CHRM3: variants seen among roughly 807,000 people sequenced by gnomAD.
CHRM3 encodes the protein muscarinic acetylcholine receptor M3.
CHRM3 carries 11 observed loss-of-function variants against 41.8 expected under a neutral mutation model. The observed-to-expected ratio is 0.26, with a 90% CI of 0.17 to 0.44. CHRM3 has a LOEUF of 0.44. Among genes scored for constraint, CHRM3 ranks in the 20% least tolerant of loss-of-function variants. CHRM3 has a pLI of 1.00. For missense variants in CHRM3, 571 were observed against 745.4 expected (o/e 0.77, Z 2.72); for synonymous variants, 297 against 301.4 (o/e 0.99, Z 0.15).
At chr1:239,443,721 C>T (rs541524388) in intron 1 of CHRM3, among the ~76,000 whole-genome samples, 53 of 152,226 alleles carry the variant, frequency 3.5e-4, no homozygotes, top group African/African-American at 1.1e-3. Flanking sequence ...ATAATATAAA[C>T]GCTTAGGAGA....
chr1:239,504,607 T>G (rs2148155299), intron 2 of CHRM3, among the ~76,000 whole-genome samples: 1 of 152,300 alleles, frequency 6.6e-6, no homozygotes, highest in African/African-American at 2.4e-5. Flanking sequence ...AAAGAGATAC[T>G]TGCACACATG....
intron 6 of CHRM3, among the ~76,000 whole-genome samples, chr1:239,872,707 A>G (rs999113678): frequency 2.0e-5 from 3 of 152,198 alleles, no homozygotes; most frequent in East Asian, 3.8e-4. Context: ...AAAAATCCGA[A>G]TGTAACATTC....
At chr1:239,643,318 A>G (rs1026465084) in intron 4 of CHRM3, among the ~76,000 whole-genome samples, 1 of 152,188 alleles carries the variant, frequency 6.6e-6, no homozygotes, top group Non-Finnish European at 1.5e-5. Flanking sequence ...GGGACATTTA[A>G]GTCTGCAGTG....
intron 5 of CHRM3, among the ~76,000 whole-genome samples, chr1:239,821,042 T>C (rs938497758): frequency 6.6e-6 from 1 of 152,152 alleles, no homozygotes; most frequent in Non-Finnish European, 1.5e-5. Flanking sequence ...TCTTGCATGA[T>C]TTATGTGGGT....
chr1:239,441,534 T>G (rs1424105004), intron 1 of CHRM3, among the ~76,000 whole-genome samples: 5 of 152,198 alleles, frequency 3.3e-5, no homozygotes, highest in Non-Finnish European at 5.9e-5. Flanking sequence ...GATCTATAGT[T>G]CACATATCTG....
chr1:239,790,310 GT>G (rs1558124849), intron 5 of CHRM3, among the ~76,000 whole-genome samples: 1 of 152,182 alleles, frequency 6.6e-6, no homozygotes, highest in Non-Finnish European at 1.5e-5. Flanking sequence ...GGGTTTGGCT[GT>G]GTCGCCACCA....
At chr1:239,833,451 G>GGA (rs755175405) in intron 6 of CHRM3, among the ~76,000 whole-genome samples, 5 of 152,114 alleles carry the variant, frequency 3.3e-5, no homozygotes, top group Non-Finnish European at 7.3e-5. Flanking sequence ...GCCTTTCAGA[G>GGA]GAGCAACTTC....
intron 1 of CHRM3, among the ~76,000 whole-genome samples, chr1:239,399,395 G>A (rs1057189973): frequency 1.4e-5 from 2 of 147,482 alleles, no homozygotes; most frequent in Admixed American, 6.8e-5. Context: ...CAGTTATCAC[G>A]TGTTAGTTAT....
intron 1 of CHRM3, among the ~76,000 whole-genome samples, chr1:239,454,015 C>A (rs1454176209): frequency 6.6e-6 from 1 of 151,994 alleles, no homozygotes; most frequent in Admixed American, 6.6e-5. Flanking sequence ...CCTACTGTAC[C>A]CTCAACACTC....
chr1:239,677,167 C>T (rs1658093080), intron 4 of CHRM3, among the ~76,000 whole-genome samples: 1 of 152,072 alleles, frequency 6.6e-6, no homozygotes, highest in Non-Finnish European at 1.5e-5. Flanking sequence ...ATTTAGCTTT[C>T]CACATCCTGA....
intron 4 of CHRM3, among the ~76,000 whole-genome samples, chr1:239,671,540 C>T (rs1257426792): frequency 6.6e-6 from 1 of 152,278 alleles, no homozygotes; most frequent in East Asian, 1.9e-4. Flanking sequence ...CTCCAGTGCA[C>T]TCCAGCCTGG....
intron 1 of CHRM3, among the ~76,000 whole-genome samples, chr1:239,395,124 T>C (rs1558188046): frequency 6.6e-6 from 1 of 152,078 alleles, no homozygotes; most frequent in Non-Finnish European, 1.5e-5. Context: ...CCTACCTAGC[T>C]CTCTTCTCTC....
chr1:239,477,656 CTT>C (rs1355123289), intron 1 of CHRM3, among the ~76,000 whole-genome samples: 1 of 152,160 alleles, frequency 6.6e-6, no homozygotes, highest in East Asian at 1.9e-4. Flanking sequence ...CACCCATTGA[CTT>C]TTTCCAGTGG....
chr1:239,446,220 C>A (rs1664142919), intron 1 of CHRM3, among the ~76,000 whole-genome samples: 3 of 152,180 alleles, frequency 2.0e-5, no homozygotes, highest in South Asian at 2.1e-4. Flanking sequence ...CAGGCGTGAG[C>A]CACCATGCCT....
Position 239,909,281 on chromosome 1 carries a change from G to A in CHRM3, c.*57G>A, listed in dbSNP as rs200140381. The A allele has an allele frequency of 1.7e-5, 26 of 1,513,276 alleles. No homozygotes were observed. The highest frequency in any genetic ancestry group is 2.0e-5 in the Non-Finnish European group (22 of 1,128,004). The allele number at this position is 1,513,276 out of a possible 1,614,324, so 93.7% of individuals were successfully genotyped here. ...GCACACATCAACCCACAGACCTTAG[G>A]AGGAGGAAGGCGAGGGCGGGGTGAC... On this transcript the variant is annotated 3_prime_UTR_variant, in exon 7 of 7. Transcript: ENST00000676153.
chr1:239,487,097 A>C (rs1667228160), intron 1 of CHRM3, among the ~76,000 whole-genome samples: 1 of 152,164 alleles, frequency 6.6e-6, no homozygotes, highest in Non-Finnish European at 1.5e-5. Context: ...TTCCACTTGC[A>C]TATGAAACTC....
At chr1:239,425,507 C>G (rs1226188310) in intron 1 of CHRM3, among the ~76,000 whole-genome samples, 2 of 152,174 alleles carry the variant, frequency 1.3e-5, no homozygotes, top group Admixed American at 6.5e-5. Flanking sequence ...CTTCACTCAT[C>G]CTTTCCCCAT....
At chr1:239,567,828 A>G (rs77568161) in intron 3 of CHRM3, among the ~76,000 whole-genome samples, 5,144 of 152,212 alleles carry the variant, frequency 0.034, 108 homozygotes, top group Middle Eastern at 0.058. Context: ...CTGGCTTTGT[A>G]GTAACATAGA....
chr1:239,537,228 G>T (rs939239964), intron 2 of CHRM3, among the ~76,000 whole-genome samples: 6 of 152,138 alleles, frequency 3.9e-5, no homozygotes, highest in Non-Finnish European at 8.8e-5. Context: ...TTCTTGCATT[G>T]CTATACAGAA....
Sources: allele counts gnomAD v4.1 joint callset (sites outside exome capture counted in the v4.1 genomes callset), GRCh38; gene constraint gnomAD v4.1.1; transcripts MANE v1.5; gene names NCBI Gene and HGNC (gene_info 2026-07-23, HGNC 2026-07-21).